Variants in CTNNA2 observed in about 807,000 individuals in gnomAD.
CTNNA2 encodes catenin alpha-2.
Under a neutral mutation model 101.0 loss-of-function variants are expected in CTNNA2, and 42 were observed. The observed-to-expected ratio is 0.42, with a 90% CI of 0.32 to 0.54. The LOEUF (loss-of-function observed/expected upper bound fraction) is 0.54, where lower values mean the gene tolerates loss of function less well. Ranked by LOEUF, CTNNA2 falls within the 20% of genes least tolerant of loss-of-function variation. CTNNA2 has a pLI of 0.14. For missense variants in CTNNA2, 871 were observed against 1,223.1 expected (o/e 0.71, Z 4.29); for synonymous variants, 450 against 456.4 (o/e 0.99, Z 0.18).
intron 15 of CTNNA2, 168 bp from the exon 16 acceptor site, chr2:80,603,906 G>A (rs1351832411): frequency 3.9e-6 from 2 of 513,524 alleles, no homozygotes; most frequent in South Asian, 3.3e-5. Context: ...TTCCAAAAAC[G>A]ACTACTAATA....
At chr2:79,314,175 C>T (rs1304191496) in intron 3 of CTNNA2, among the ~76,000 whole-genome samples, 2 of 152,144 alleles carry the variant, frequency 1.3e-5, no homozygotes, top group Admixed American at 1.3e-4. Flanking sequence ...TGTCTCCAGA[C>T]TCTAACCACC....
chr2:79,501,184 C>G (rs1051152682), intron 4 of CTNNA2, among the ~76,000 whole-genome samples: 2 of 152,148 alleles, frequency 1.3e-5, no homozygotes, highest in African/African-American at 4.8e-5. Flanking sequence ...GACCTTATTA[C>G]CCATGGAAAA....
intron 2 of CTNNA2, among the ~76,000 whole-genome samples, chr2:79,284,709 G>C (rs1053395996): frequency 6.6e-6 from 1 of 150,528 alleles, no homozygotes; most frequent in Admixed American, 6.6e-5. Flanking sequence ...AAGGATATTG[G>C]TCTAAAATTC....
At chr2:80,294,757 G>T (rs998394928) in intron 7 of CTNNA2, among the ~76,000 whole-genome samples, 1 of 152,174 alleles carries the variant, frequency 6.6e-6, no homozygotes, top group Non-Finnish European at 1.5e-5. Flanking sequence ...CTCCCAAGTG[G>T]TTCCAGTGTG....
intron 9 of CTNNA2, among the ~76,000 whole-genome samples, chr2:80,527,974 C>T (rs1313160770): frequency 6.6e-6 from 1 of 152,162 alleles, no homozygotes; most frequent in Non-Finnish European, 1.5e-5. Flanking sequence ...ATTTCTCAGA[C>T]ATTTTCAGTG....
chr2:80,268,097 A>G (rs1673157373), intron 7 of CTNNA2, among the ~76,000 whole-genome samples: 1 of 152,242 alleles, frequency 6.6e-6, no homozygotes, highest in African/African-American at 2.4e-5. Context: ...GCTTTTCTGG[A>G]AACTTCTACC....
intron 7 of CTNNA2, among the ~76,000 whole-genome samples, chr2:80,349,059 C>T (rs549680015): frequency 2.8e-4 from 42 of 152,186 alleles, no homozygotes; most frequent in African/African-American, 9.9e-4. Flanking sequence ...TTTTGGTGTC[C>T]ACTTCATAGC....
At chr2:79,814,130 C>T (rs1677271540) in intron 3 of CTNNA2, among the ~76,000 whole-genome samples, 1 of 152,178 alleles carries the variant, frequency 6.6e-6, no homozygotes, top group African/African-American at 2.4e-5. Context: ...AAGACTTCAT[C>T]TTAACTAATA....
chr2:79,218,182 C>T (rs1033017626), intron 2 of CTNNA2, among the ~76,000 whole-genome samples: 6 of 152,178 alleles, frequency 3.9e-5, no homozygotes, highest in African/African-American at 9.7e-5. Flanking sequence ...TCCCACAGAG[C>T]AGGCTGCCTG....
intron 1 of CTNNA2, among the ~76,000 whole-genome samples, chr2:79,579,950 C>T (rs1676047442): frequency 6.6e-6 from 1 of 152,078 alleles, no homozygotes; most frequent in Admixed American, 6.6e-5. Flanking sequence ...AAAGTTGCCA[C>T]AAGCTCGGAG....
At chr2:79,368,826 G>A (rs1463923024) in intron 3 of CTNNA2, among the ~76,000 whole-genome samples, 1 of 152,292 alleles carries the variant, frequency 6.6e-6, no homozygotes, top group Middle Eastern at 3.4e-3. Flanking sequence ...CCAGTCACTT[G>A]TGTCCCTGGG....
At chr2:80,411,886 T>G (rs1159945425) in intron 8 of CTNNA2, among the ~76,000 whole-genome samples, 3 of 152,186 alleles carry the variant, frequency 2.0e-5, no homozygotes, top group African/African-American at 7.2e-5. Flanking sequence ...AAGCACTAAA[T>G]GAAGATTGCT....
chr2:79,460,837 AT>A (rs1198435902), intron 4 of CTNNA2, among the ~76,000 whole-genome samples: 20 of 148,970 alleles, frequency 1.3e-4, no homozygotes, highest in African/African-American at 2.5e-4. Context: ...CCCATTAAGT[AT>A]TTTTTTTTTC....
At chr2:79,792,484 G>T (rs1362759906) in intron 3 of CTNNA2, among the ~76,000 whole-genome samples, 1 of 152,138 alleles carries the variant, frequency 6.6e-6, no homozygotes, top group African/African-American at 2.4e-5. Flanking sequence ...TAATGTCTTA[G>T]ATCCTGTGAC....
chr2:80,006,661 CAT>C (rs1693375337), intron 7 of CTNNA2, among the ~76,000 whole-genome samples: 2 of 152,142 alleles, frequency 1.3e-5, no homozygotes, highest in South Asian at 4.1e-4. Flanking sequence ...AGAAATGAAA[CAT>C]CTAACAGGAG....
intron 7 of CTNNA2, among the ~76,000 whole-genome samples, chr2:80,232,702 G>T (rs748486538): frequency 6.6e-6 from 1 of 152,110 alleles, no homozygotes; most frequent in Non-Finnish European, 1.5e-5. Flanking sequence ...CGGAAAGCCA[G>T]ACCTTCTGCC....
intron 7 of CTNNA2, among the ~76,000 whole-genome samples, chr2:80,234,416 T>A (rs1430488769): frequency 6.6e-6 from 1 of 152,228 alleles, no homozygotes; most frequent in African/African-American, 2.4e-5. Context: ...CTAATTCTTT[T>A]TGGTGGCTTC....
At chr2:79,768,456 T>C (rs546731721) in intron 3 of CTNNA2, among the ~76,000 whole-genome samples, 2 of 151,804 alleles carry the variant, frequency 1.3e-5, no homozygotes, top group Admixed American at 1.3e-4. Context: ...TAGATAGTTG[T>C]TAAATTGGTA....
intron 2 of CTNNA2, among the ~76,000 whole-genome samples, chr2:79,211,667 G>A (rs541343541): frequency 1.3e-5 from 2 of 152,290 alleles, no homozygotes; most frequent in African/African-American, 2.4e-5. Flanking sequence ...GTGGTGGAAT[G>A]TCATCAGTTA....
Sources: allele counts gnomAD v4.1 joint callset (sites outside exome capture counted in the v4.1 genomes callset), GRCh38; gene constraint gnomAD v4.1.1; transcripts MANE v1.5; gene names NCBI Gene and HGNC (gene_info 2026-07-23, HGNC 2026-07-21).